The following NFATC3 variants were observed in gnomAD, a reference collection of about 807,000 sequenced individuals.
The protein encoded by NFATC3 is nuclear factor of activated T-cells, cytoplasmic 3.
A neutral mutation model predicts 98.6 loss-of-function variants in NFATC3; 46 were observed. The ratio of observed to expected loss-of-function variants is 0.47; its 90% CI spans 0.37 to 0.60. The LOEUF (loss-of-function observed/expected upper bound fraction) is 0.60. Among genes scored for constraint, NFATC3 ranks in the 20% least tolerant of loss-of-function variants. The pLI is 0.00. For missense variants in NFATC3, 1,256 were observed against 1,295.5 expected (o/e 0.97, Z 0.47); for synonymous variants, 512 against 472.2 (o/e 1.08, Z -1.09).
intron 9 of NFATC3, chr16:68,209,834 C>T (rs541768089): frequency 1.1e-5 from 4 of 365,154 alleles, no homozygotes; most frequent in African/African-American, 8.6e-5. Flanking sequence ...CCCCCCTGCC[C>T]CCCAACACAC....
chr16:68,228,628 A>G lies in NFATC3; in HGVS notation c.*2157A>G, dbSNP rs1227154653. 1 of 152,662 alleles carries G rather than the reference A, an allele frequency of 6.6e-6. No individual in the cohort carries two copies. Among genetic ancestry groups the G allele is most frequent in the East Asian group, 1.9e-4 (1 of 5,208 alleles). The allele number at this position is 152,662 out of a possible 1,614,324, so 9.5% of individuals were successfully genotyped here. Reference sequence around the variant, plus strand: ...GTAAGCAGTTTTATATCAGCTTTGTAAAAGCTTTGGTGTTAAGAGTCAATA... The same window carrying G: ...GTAAGCAGTTTTATATCAGCTTTGTGAAAGCTTTGGTGTTAAGAGTCAATA... On this transcript the variant is annotated 3_prime_UTR_variant, in exon 10 of 10. Transcript: ENST00000346183.
intron 1 of NFATC3, among the ~76,000 whole-genome samples, chr16:68,097,424 A>G (rs1195633734): frequency 6.6e-6 from 1 of 152,236 alleles, no homozygotes; most frequent in Non-Finnish European, 1.5e-5. Context: ...TTATTAGGCA[A>G]TTGGAAATAT....
chr16:68,134,014 C>A (rs560077192), intron 3 of NFATC3, among the ~76,000 whole-genome samples: 3 of 152,056 alleles, frequency 2.0e-5, no homozygotes, highest in Admixed American at 6.6e-5. Context: ...TATAAAAGTT[C>A]TTATTCCTCC....
chr16:68,221,583 T>TA (rs2041866077), intron 9 of NFATC3: 1 of 1,098,340 alleles, frequency 9.1e-7, no homozygotes. Flanking sequence ...GAAAACAAGA[T>TA]AGAGAAAGTC....
chr16:68,102,901 C>T (rs1441945801), intron 1 of NFATC3, among the ~76,000 whole-genome samples: 1 of 152,010 alleles, frequency 6.6e-6, no homozygotes, highest in African/African-American at 2.4e-5. Context: ...TAAAGCCATC[C>T]TGGGAGTGTG....
rs1349145219 is a variant in NFATC3, at chr16:68,164,351, G to C, written c.1602-2492G>C. ...GCCGAGATGGCAGCAGTACAGTCCA[G>C]CTTCGGCTCGGTATCAGAGGGAGAC... On this transcript the variant is annotated intron_variant, in intron 4 of 9. Coordinates refer to ENST00000346183, the MANE Select transcript of NFATC3 (RefSeq NM_173165.3). Among the ~76,000 whole-genome samples the C allele has an allele frequency of 6.6e-5, 10 of 152,304 alleles. No individual in the cohort carries two copies. The East Asian group carries it at 1.9e-3, about 30-fold the overall frequency.
intron 3 of NFATC3, chr16:68,138,686 T>C: frequency 7.8e-7 from 1 of 1,287,528 alleles, no homozygotes; most frequent in Non-Finnish European, 1.0e-6. Flanking sequence ...ATGGCCCTAC[T>C]TACATGCAGA....
In NFATC3 at chr16:68,191,094, G is replaced by A. The variant is rs1318090787; in HGVS notation, c.2425G>A (p.Val809Ile). The A allele has an allele frequency of 2.5e-6, 4 of 1,614,056 alleles. No individual in the cohort carries two copies. Among genetic ancestry groups the A allele is most frequent in the African/African-American group, 2.7e-5 (2 of 74,922 alleles). The change falls in exon 9 of 10, where the codon GTT becomes ATT. Residue 809 changes from valine (V) to isoleucine (I), a missense_variant. Coordinates refer to ENST00000346183, the MANE Select transcript of NFATC3 (RefSeq NM_173165.3). The part of the protein sequence containing the change: ...GSSYQPMQTN[V>I]VYNGPTCLPI... ...TTCCTATCAGCCTATGCAAACTAAT[G>A]TTGTGTACAATGGACCAACTTGTCT...
intron 1 of NFATC3, among the ~76,000 whole-genome samples, chr16:68,105,770 C>T (rs2151471389): frequency 6.6e-6 from 1 of 152,274 alleles, no homozygotes; most frequent in South Asian, 2.1e-4. Context: ...TGTTAGAGGT[C>T]TGAGATTTTC....
In NFATC3 at chr16:68,122,543, T is replaced by C; in HGVS notation, c.660T>C (p.Pro220=). 6.2e-7 allele frequency: 1 copy of C among 1,614,122 alleles called. No individual in the cohort carries two copies. Among genetic ancestry groups the C allele is most frequent in the Non-Finnish European group, 8.5e-7 (1 of 1,180,004 alleles). ...TSPGGSPGGC[P]GEETWHQQYG... ...CTGGTGGCTCTCCAGGGGGCTGCCC[T>C]GGAGAAGAAACTTGGCATCAACAGT... The change falls in exon 2 of 10, where the codon CCT becomes CCC. Residue 220 remains proline (P), a synonymous_variant. Coordinates refer to ENST00000346183, the MANE Select transcript of NFATC3 (RefSeq NM_173165.3).
chr16:68,194,409 G>T (rs1170610950), intron 9 of NFATC3, among the ~76,000 whole-genome samples: 1 of 152,178 alleles, frequency 6.6e-6, no homozygotes, highest in Non-Finnish European at 1.5e-5. Flanking sequence ...TAAGCATTTT[G>T]CTGCTGTTCT....
intron 1 of NFATC3, among the ~76,000 whole-genome samples, chr16:68,099,632 A>G (rs1296950794): frequency 1.3e-5 from 2 of 151,306 alleles, no homozygotes; most frequent in African/African-American, 4.9e-5. Flanking sequence ...TAATAATAAT[A>G]AAAAATATAG....
chr16:68,114,330 G>A (rs887613182), intron 1 of NFATC3, among the ~76,000 whole-genome samples: 7 of 152,002 alleles, frequency 4.6e-5, no homozygotes, highest in South Asian at 2.1e-4. Flanking sequence ...TTCACTGGCC[G>A]TTTTTGCTCC....
At chr16:68,165,101 C>A (rs1479021530) in intron 4 of NFATC3, among the ~76,000 whole-genome samples, 1 of 152,058 alleles carries the variant, frequency 6.6e-6, no homozygotes, top group African/African-American at 2.4e-5. Flanking sequence ...TACTTAATAA[C>A]ACAGATGATC....
chr16:68,087,595 A>C (rs567452695), intron 1 of NFATC3, among the ~76,000 whole-genome samples: 1 of 152,310 alleles, frequency 6.6e-6, no homozygotes, highest in East Asian at 1.9e-4. Flanking sequence ...ACCTTCTTAA[A>C]GTGAACAATT....
chr16:68,167,138 G>C, intron 5 of NFATC3, 123 bp downstream of exon 5: 1 of 969,226 alleles, frequency 1.0e-6, no homozygotes, highest in Non-Finnish European at 1.5e-6. Flanking sequence ...TTGCTGGTTT[G>C]ATTTTCTCAT....
intron 1 of NFATC3, among the ~76,000 whole-genome samples, chr16:68,092,336 A>G (rs1185017697): frequency 6.6e-6 from 1 of 151,624 alleles, no homozygotes; most frequent in Non-Finnish European, 1.5e-5. Context: ...GGGCGCTGTA[A>G]TCCCGGCTAC....
intron 6 of NFATC3, 133 bp from the exon 7 acceptor site, chr16:68,181,342 A>T: frequency 1.5e-6 from 1 of 659,540 alleles, no homozygotes; most frequent in African/African-American, 1.9e-5. Context: ...TTTATATTTT[A>T]TTTTCATAAT....
chr16:68,110,536 G>A (rs200886345), intron 1 of NFATC3, among the ~76,000 whole-genome samples: 1 of 151,288 alleles, frequency 6.6e-6, no homozygotes, highest in East Asian at 1.9e-4. Context: ...GGATGGTCTC[G>A]ATCTCCTGAC....
Sources: gnomAD v4.1 joint callset for allele counts (sites outside exome capture counted in the v4.1 genomes callset) on GRCh38, gnomAD v4.1.1 for gene constraint, MANE v1.5 for transcripts, NCBI Gene and HGNC (gene_info 2026-07-23, HGNC 2026-07-21) for gene names.